CPSF6: variants seen among roughly 807,000 people sequenced by gnomAD.
The protein encoded by CPSF6 is cleavage and polyadenylation specificity factor subunit 6.
In CPSF6, 10 loss-of-function variants were observed where a neutral mutation model predicts 56.7. The observed-to-expected ratio is 0.18, with a 90% CI of 0.11 to 0.30. The LOEUF is 0.30. CPSF6 is among the 10% of genes least tolerant of loss of function. CPSF6 has a pLI of 1.00. For synonymous variants in CPSF6, 248 were observed against 244.8 expected (o/e 1.01, Z -0.12); for missense variants, 419 against 722.9 (o/e 0.58, Z 4.82).
chr12:69,265,056 A>G (rs895416446), intron 9 of CPSF6, among the ~76,000 whole-genome samples: 7 of 152,150 alleles, frequency 4.6e-5, no homozygotes, highest in African/African-American at 1.7e-4. Context: ...TGATCTTGGC[A>G]AGCTGTTAAT....
intron 2 of CPSF6, 54 bp downstream of exon 2, chr12:69,251,392 C>G (rs1872234888): frequency 3.5e-6 from 4 of 1,139,522 alleles, no homozygotes; most frequent in African/African-American, 1.6e-5. Flanking sequence ...TTGAACTGCT[C>G]TAGTAATTAA....
At chr12:69,259,153 A>G (rs1872638730) in intron 6 of CPSF6, 59 bp downstream of exon 6, 2 of 1,504,954 alleles carry the variant, frequency 1.3e-6, no homozygotes, top group South Asian at 2.5e-5. Context: ...CAATGACTGT[A>G]AATATTAGAT....
At chr12:69,245,337 A>G (rs946465378) in intron 1 of CPSF6, among the ~76,000 whole-genome samples, 1 of 152,186 alleles carries the variant, frequency 6.6e-6, no homozygotes, top group African/African-American at 2.4e-5. Context: ...TAATCTGACC[A>G]CCTGGACCAA....
intron 1 of CPSF6, among the ~76,000 whole-genome samples, chr12:69,244,785 C>G (rs987575566): frequency 6.6e-6 from 1 of 151,994 alleles, no homozygotes; most frequent in Non-Finnish European, 1.5e-5. Flanking sequence ...TCACTGTCTT[C>G]CATCTCTGCA....
chr12:69,259,978 A>G, intron 7 of CPSF6, 66 bp from the exon 8 acceptor site: 2 of 1,554,290 alleles, frequency 1.3e-6, no homozygotes, highest in African/African-American at 2.7e-5. Context: ...CTCTTATCCC[A>G]AGTGGTTTGA....
At chr12:69,242,009 A>G (rs978436437) in intron 1 of CPSF6, among the ~76,000 whole-genome samples, 5 of 152,268 alleles carry the variant, frequency 3.3e-5, no homozygotes, top group African/African-American at 7.2e-5. Context: ...TGTCATTGAA[A>G]TATTTTTCCA....
intron 3 of CPSF6, 48 bp from the exon 4 acceptor site, chr12:69,256,649 T>C: frequency 1.3e-6 from 2 of 1,536,222 alleles, no homozygotes; most frequent in Non-Finnish European, 1.8e-6. Flanking sequence ...ACAGTAATAA[T>C]ATTGATCTCT....
intron 3 of CPSF6, among the ~76,000 whole-genome samples, chr12:69,253,890 A>G (rs1453991909): frequency 1.3e-5 from 2 of 152,128 alleles, no homozygotes; most frequent in South Asian, 2.1e-4. Context: ...ATCATTTTAT[A>G]TAAGTCTTTT....
At position 69,269,660 on chromosome 12, in the gene CPSF6, G is replaced by T; in HGVS notation, c.*152G>T. ...GAATAGATCTGAATAAAGCAAATCT[G>T]CATAAATGGTAACCAGTAGCTCTAC... is the stretch of plus-strand genomic sequence containing the variant. On this transcript the variant is annotated 3_prime_UTR_variant, in exon 10 of 10. Transcript: ENST00000435070. The T allele has an allele frequency of 3.7e-6, 1 of 267,222 alleles. No homozygotes were observed. The highest frequency in any genetic ancestry group is 7.6e-6 in the Non-Finnish European group (1 of 131,150). 16.6% of individuals were successfully genotyped at this position (267,222 alleles called of 1,614,324 possible).
At chr12:69,259,355 T>C (rs1236841917) in intron 6 of CPSF6, 73 bp from the exon 7 acceptor site, 31 of 1,527,936 alleles carry the variant, frequency 2.0e-5, no homozygotes, top group Non-Finnish European at 2.6e-5. Context: ...CTAGTATGAA[T>C]TGCTATACAC....
intron 1 of CPSF6, among the ~76,000 whole-genome samples, chr12:69,249,779 T>C (rs1872135243): frequency 6.6e-6 from 1 of 152,234 alleles, no homozygotes; most frequent in Admixed American, 6.5e-5. Flanking sequence ...TCATTTTTCA[T>C]GTACTTAGTT....
chr12:69,250,229 AAAT>A (rs931058476), intron 1 of CPSF6, among the ~76,000 whole-genome samples: 2 of 152,124 alleles, frequency 1.3e-5, no homozygotes, highest in African/African-American at 4.8e-5. Context: ...ATACTATAGA[AAAT>A]AATAACTATT....
At chr12:69,263,560 T>G (rs1213173114) in intron 9 of CPSF6, among the ~76,000 whole-genome samples, 1 of 152,100 alleles carries the variant, frequency 6.6e-6, no homozygotes, top group Non-Finnish European at 1.5e-5. Flanking sequence ...AAATTAAGGC[T>G]AAACAAACCC....
At chr12:69,252,935 T>G in intron 2 of CPSF6, 116 bp from the exon 3 acceptor site, 2 of 606,382 alleles carry the variant, frequency 3.3e-6, no homozygotes, top group Non-Finnish European at 5.7e-6. Flanking sequence ...GACTTAGATT[T>G]GCACTCAGCA....
chr12:69,249,152 C>CGGTGGGGGGGGG lies in CPSF6; in HGVS notation c.61-1975_61-1974insTGGGGGGGGGGG, dbSNP rs1491257320. The stretch of plus-strand genomic sequence containing the variant: ...GCGGGCGCCTGTAGTCCCAGCTACT[C>CGGTGGGGGGGGG]GGGGGGGGGGGGGGGGGCTGAGGCA... On this transcript the variant is annotated intron_variant, in intron 1 of 9. Coordinates refer to ENST00000435070, the MANE Select transcript of CPSF6 (RefSeq NM_007007.3). Among the ~76,000 whole-genome samples the CGGTGGGGGGGGG allele has an allele frequency of 6.0e-4, 10 of 16,592 alleles. 1 individual carries two copies. Among genetic ancestry groups the CGGTGGGGGGGGG allele is most frequent in the South Asian group, 2.3e-3 (1 of 428 alleles). 10.9% of individuals were successfully genotyped at this position (16,592 alleles called of 152,430 possible).
chr12:69,269,475 T>C (rs1873146453), intron 9 of CPSF6, 37 bp from the exon 10 acceptor site: 2 of 452,000 alleles, frequency 4.4e-6, no homozygotes, highest in South Asian at 3.1e-5. Context: ...TTTTGGGGAA[T>C]AGCAAAATCT....
At chr12:69,248,666 A>G (rs1226029745) in intron 1 of CPSF6, among the ~76,000 whole-genome samples, 2 of 152,162 alleles carry the variant, frequency 1.3e-5, no homozygotes, top group African/African-American at 4.8e-5. Context: ...GTACAAACAG[A>G]ATAAAATTAT....
intron 8 of CPSF6, among the ~76,000 whole-genome samples, 186 bp downstream of exon 8, chr12:69,260,383 C>G (rs1306342227): frequency 3.3e-5 from 5 of 150,354 alleles, no homozygotes; most frequent in Non-Finnish European, 7.4e-5. Flanking sequence ...CCTACTCAGT[C>G]TTAAAGCAAG....
intron 9 of CPSF6, 38 bp downstream of exon 9, chr12:69,262,600 T>C: frequency 1.9e-6 from 3 of 1,565,930 alleles, no homozygotes; most frequent in Non-Finnish European, 2.6e-6. Context: ...GTGTGTGTAT[T>C]CTTAACAGTA....
Sources: gnomAD v4.1 joint callset for allele counts (sites outside exome capture counted in the v4.1 genomes callset) on GRCh38, gnomAD v4.1.1 for gene constraint, MANE v1.5 for transcripts, NCBI Gene and HGNC (gene_info 2026-07-23, HGNC 2026-07-21) for gene names.